Variants in PPFIA4 observed in about 807,000 individuals in gnomAD.
PPFIA4 encodes PPFI scaffold protein A4.
Under a neutral mutation model 145.7 loss-of-function variants are expected in PPFIA4, and 98 were observed. The ratio of observed to expected loss-of-function variants is 0.67; its 90% CI spans 0.57 to 0.80. The LOEUF (loss-of-function observed/expected upper bound fraction) is 0.80, where lower values mean the gene tolerates loss of function less well. PPFIA4 is among the 30% of genes least tolerant of loss of function. PPFIA4 has a pLI of 0.00. For missense variants in PPFIA4, 1,457 were observed against 1,632.7 expected, an observed-to-expected ratio of 0.89 and a Z score of 1.85; for synonymous variants, 628 against 649.6, an observed-to-expected ratio of 0.97 and a Z score of 0.51.
chr1:203,044,436 G>C lies in PPFIA4; in HGVS notation c.559G>C (p.Ala187Pro), dbSNP rs1459021022. Reference protein sequence around the residue: ...ERVTTLEEQLAGAHQQVSALQ... With the variant: ...ERVTTLEEQLPGAHQQVSALQ... The stretch of plus-strand genomic sequence containing the variant: ...AGTCACCACCTTGGAGGAGCAGCTG[G>C]CAGGTGCCCACCAGCAGGTAATCTG... The change falls in exon 5 of 30, where the codon GCA becomes CCA. Residue 187 changes from alanine to proline, a missense_variant. Transcript: ENST00000295706. The C allele has an allele frequency of 6.4e-7, 1 of 1,551,382 alleles. No individual in the cohort carries two copies. Among genetic ancestry groups the C allele is most frequent in the African/African-American group, 1.4e-5 (1 of 73,190 alleles).
At chr1:203,032,042 G>GTGTGTGTGTGTA (rs1491094428) in intron 1 of PPFIA4, among the ~76,000 whole-genome samples, 30 of 8,418 alleles carry the variant, frequency 3.6e-3, no homozygotes, top group Non-Finnish European at 8.5e-3. Flanking sequence ...CTGAGAGAAC[G>GTGTGTGTGTGTA]TGTGTGTGTG....
At chr1:203,049,560 A>G (rs1375785818) in intron 12 of PPFIA4, 116 bp from the exon 13 acceptor site, 4 of 923,420 alleles carry the variant, frequency 4.3e-6, no homozygotes, top group Non-Finnish European at 6.1e-6. Context: ...TTTGCAGTAC[A>G]TTCTTCAGCT....
At chr1:203,054,604 G>C (rs940136832) in intron 15 of PPFIA4, among the ~76,000 whole-genome samples, 1 of 151,880 alleles carries the variant, frequency 6.6e-6, no homozygotes, top group Non-Finnish European at 1.5e-5. Context: ...GTGTATCAGA[G>C]CTTTATAAGC....
rs1280383355 is a variant in PPFIA4 at position 203,048,950 on chromosome 1, GC to G, written c.1390del (p.Arg464GlyfsTer27). ...TGATCCAGGAGTTGGAGAGCTCCCA[GC>G]GGCAGATTGAGGAGCAGCACCACCA... is the stretch of plus-strand genomic sequence containing the variant. The part of the protein sequence containing the change: ...TLIQELESSQ[R>X]QIEEQHHHKG... On this transcript the variant is annotated frameshift_variant, in exon 12 of 30. Coordinates refer to ENST00000295706, the MANE Select transcript of PPFIA4 (RefSeq NM_001304331.2). LOFTEE classifies it high-confidence loss of function. The surrounding 1 kb of genome is among the most constrained non-coding windows in gnomAD (Gnocchi z 5.8). The G allele has an allele frequency of 6.5e-7, 1 of 1,548,488 alleles. No individual in the cohort carries two copies. The highest frequency in any genetic ancestry group is 8.7e-7 in the Non-Finnish European group (1 of 1,146,858).
Position 203,055,600 on chromosome 1 carries a change from C to G in PPFIA4, c.1998C>G (p.Ser666Arg). 6.2e-7 allele frequency: 1 copy of G among 1,614,040 alleles called. No individual in the cohort carries two copies. Among genetic ancestry groups the G allele is most frequent in the East Asian group, 2.2e-5 (1 of 44,890 alleles). The change falls in exon 16 of 30, where the codon AGC becomes AGG. Residue 666 changes from serine (S) to arginine (R), a missense_variant. By Grantham distance (110) the Ser-to-Arg change is moderately radical. Transcript: ENST00000295706. The surrounding 1 kb of genome is among the most constrained non-coding windows in gnomAD (Gnocchi z 4.8). ...LSLASASPPLSGRSTPKLTSR... is the reference protein window; with the variant it reads ...LSLASASPPLRGRSTPKLTSR... Reference sequence around the variant, plus strand: ...TGGCCAGCGCGTCCCCACCACTCAGCGGCCGCTCCACACCTAAGCTCACCT... The same window carrying G: ...TGGCCAGCGCGTCCCCACCACTCAGGGGCCGCTCCACACCTAAGCTCACCT...
chr1:203,063,809 C>G lies in PPFIA4; in HGVS notation c.2875-19C>G. The G allele has an allele frequency of 6.2e-7, 1 of 1,613,558 alleles. No homozygotes were observed. Among genetic ancestry groups the G allele is most frequent in the South Asian group, 1.1e-5 (1 of 91,060 alleles). On this transcript the variant is annotated intron_variant, in intron 24 of 29. Coordinates refer to ENST00000295706, the MANE Select transcript of PPFIA4 (RefSeq NM_001304331.2). ...TACCTTCCTCCCCCATAATAGCCTC[C>G]TGCATCTCATTTCCCTAGACCCTGG...
intron 24 of PPFIA4, among the ~76,000 whole-genome samples, chr1:203,062,520 A>G (rs1011029363): frequency 1.5e-4 from 22 of 149,004 alleles, no homozygotes; most frequent in African/African-American, 5.4e-4. Context: ...AGTCTCAATA[A>G]GTAAACAAAT....
In PPFIA4 at chr1:203,055,150, G is replaced by A. The variant is rs963558699; in HGVS notation, c.1830-282G>A. Among the ~76,000 whole-genome samples the A allele has an allele frequency of 6.6e-6, 1 of 152,212 alleles. No homozygotes were observed. The highest frequency in any genetic ancestry group is 1.5e-5 in the Non-Finnish European group (1 of 68,038). ...CAGACAGCAAAATACCTGACTCAAG[G>A]CCACCCTATAGTTAGGGGTATGTCA... On this transcript the variant is annotated intron_variant, in intron 15 of 29. Coordinates refer to ENST00000295706, the MANE Select transcript of PPFIA4 (RefSeq NM_001304331.2). This position sits in a 1 kb window ranked among gnomAD's most constrained non-coding sequence, Gnocchi z 4.8.
At chr1:203,040,868 T>G (rs1284537616) in intron 2 of PPFIA4, among the ~76,000 whole-genome samples, 1 of 152,232 alleles carries the variant, frequency 6.6e-6, no homozygotes, top group Non-Finnish European at 1.5e-5. Flanking sequence ...ATCCCAGGCC[T>G]ACTTGACTTC....
chr1:203,043,474 G>A lies in PPFIA4; in HGVS notation c.312G>A (p.Leu104=). 6.2e-7 allele frequency: 1 copy of A among 1,610,670 alleles called. No homozygotes were observed. Among genetic ancestry groups the A allele is most frequent in the Non-Finnish European group, 8.5e-7 (1 of 1,178,862 alleles). ...LLEREEEISE[L]KAERNNTRLL... ...AGCGGGAGGAAGAGATATCAGAACT[G>A]AAAGCAGAACGGAATAACACACGGG... is the stretch of plus-strand genomic sequence containing the variant. The change falls in exon 3 of 30, where the codon CTG becomes CTA. Residue 104 remains leucine (L), a synonymous_variant. Coordinates refer to ENST00000295706, the MANE Select transcript of PPFIA4 (RefSeq NM_001304331.2). The surrounding 1 kb of genome is among the most constrained non-coding windows in gnomAD (Gnocchi z 4.4).
In PPFIA4 at chr1:203,063,904, G is replaced by A. The variant is rs767156964; in HGVS notation, c.2951G>A (p.Arg984His). ...WLPSLGLPQY[R>H]SYFMECLVDA... is the part of the protein sequence containing the mutation. ...CCCAGCCTGGGGCTCCCGCAGTACC[G>A]CAGCTACTTCATGGAGTGCCTGGTG... Residue 984 changes from arginine (R) to histidine (H), a missense_variant, in exon 25 of 30, where the codon CGC becomes CAC. This residue lies in a region of PPFIA4 where 848 missense variants were observed against 1,046.7 expected (regional missense o/e 0.81). Coordinates refer to ENST00000295706, the MANE Select transcript of PPFIA4 (RefSeq NM_001304331.2). The A allele has an allele frequency of 9.3e-6, 15 of 1,613,942 alleles. No individual in the cohort carries two copies. The highest frequency in any genetic ancestry group is 1.6e-4 in the Middle Eastern group (1 of 6,084).
At chr1:203,041,223 G>A (rs1659673706) in intron 2 of PPFIA4, among the ~76,000 whole-genome samples, 1 of 152,248 alleles carries the variant, frequency 6.6e-6, no homozygotes, top group South Asian at 2.1e-4. Context: ...AGAAGCAGCA[G>A]GTGATCCAGG....
In PPFIA4 at chr1:203,060,928, G is replaced by A; in HGVS notation, c.2785-42G>A. The A allele has an allele frequency of 6.3e-7, 1 of 1,585,700 alleles. No individual in the cohort carries two copies. Among genetic ancestry groups the A allele is most frequent in the African/African-American group, 1.3e-5 (1 of 74,512 alleles). ...CTCCCAGCCTGATGGGGATCCTGGG[G>A]ACCCACACCCAGGACCAGCTAGGTT... On this transcript the variant is annotated intron_variant, in intron 22 of 29. Coordinates refer to ENST00000295706, the MANE Select transcript of PPFIA4 (RefSeq NM_001304331.2). This position sits in a 1 kb window ranked among gnomAD's most constrained non-coding sequence, Gnocchi z 4.8.
chr1:203,075,530 G>A lies in PPFIA4; in HGVS notation c.3394-47G>A. ...CCCCTCCAGGCAGGGCGTGAGGATG[G>A]CAATTCCAACAGGGCCCTCGGGCCT... On this transcript the variant is annotated intron_variant, in intron 28 of 29. Coordinates refer to ENST00000295706, the MANE Select transcript of PPFIA4 (RefSeq NM_001304331.2). This position sits in a 1 kb window ranked among gnomAD's most constrained non-coding sequence, Gnocchi z 4.1. 1 of 1,351,460 alleles carries A rather than the reference G, an allele frequency of 7.4e-7. No homozygotes were observed. The highest frequency in any genetic ancestry group is 9.6e-7 in the Non-Finnish European group (1 of 1,045,244). The allele number at this position is 1,351,460 out of a possible 1,614,324, so 83.7% of individuals were successfully genotyped here. A position where few individuals can be genotyped will look rare whatever the true frequency, so the allele number is the denominator to read the frequency against.
chr1:203,028,642 T>G (rs1043759353), intron 1 of PPFIA4, among the ~76,000 whole-genome samples: 13 of 151,186 alleles, frequency 8.6e-5, no homozygotes, highest in South Asian at 4.2e-4. Flanking sequence ...TGGTATGGGG[T>G]GTGTGTGTGT....
rs1214677806 is a variant in PPFIA4 at position 203,060,903 on chromosome 1, C to T, written c.2785-67C>T. On this transcript the variant is annotated intron_variant, in intron 22 of 29. Coordinates refer to ENST00000295706, the MANE Select transcript of PPFIA4 (RefSeq NM_001304331.2). This position sits in a 1 kb window ranked among gnomAD's most constrained non-coding sequence, Gnocchi z 4.8. ...GGGAGCTTTGTCCTTGTCCTTTGGGCTCCCAGCCTGATGGGGATCCTGGGG... is the reference window on the plus strand; with the variant it reads ...GGGAGCTTTGTCCTTGTCCTTTGGGTTCCCAGCCTGATGGGGATCCTGGGG... 4 of 1,474,158 alleles carry T rather than the reference C, an allele frequency of 2.7e-6. No homozygotes were observed. In the African/African-American group the frequency reaches 4.2e-5, roughly 15 times the overall value. 91.3% of individuals were successfully genotyped at this position (1,474,158 alleles called of 1,614,324 possible).
In PPFIA4 at chr1:203,060,536, T is replaced by G. The variant is rs1470989859; in HGVS notation, c.2784+119T>G. 9.6e-7 allele frequency: 1 copy of G among 1,037,228 alleles called. No homozygotes were observed. The highest frequency in any genetic ancestry group is 1.4e-6 in the Non-Finnish European group (1 of 696,988). The allele number at this position is 1,037,228 out of a possible 1,614,324, so 64.3% of individuals were successfully genotyped here. On this transcript the variant is annotated intron_variant, in intron 22 of 29. Transcript: ENST00000295706. This position sits in a 1 kb window ranked among gnomAD's most constrained non-coding sequence, Gnocchi z 4.8. ...GAGCCCTGCCCCTTCCTTCCCATCC[T>G]CACAAAGGGCTCTCCCTGGTCTTCA...
intron 1 of PPFIA4, chr1:203,035,744 A>C (rs540557034): frequency 3.8e-5 from 17 of 441,586 alleles, no homozygotes; most frequent in Admixed American, 7.2e-5. Flanking sequence ...AGGAGCTGGA[A>C]GGAGCCAGGT....
In PPFIA4 at chr1:203,028,641, G is replaced by A. The variant is rs1159214682; in HGVS notation, c.-400+2012G>A. On this transcript the variant is annotated intron_variant, in intron 1 of 29. Transcript: ENST00000295706. ...AGGTGTGGCAATTGAGTGGTATGGG[G>A]TGTGTGTGTGTGTGCACACGCGTGT... Among the ~76,000 whole-genome samples, 5 of 151,464 alleles carry A rather than the reference G, an allele frequency of 3.3e-5. No individual in the cohort carries two copies. In the East Asian group the frequency reaches 7.7e-4, roughly 23 times the overall value.
Sources: gnomAD v4.1 joint callset for allele counts (sites outside exome capture counted in the v4.1 genomes callset) on GRCh38, gnomAD v4.1.1 for gene constraint, gnomAD v4.1.1 regional missense constraint, Gnocchi (gnomAD v3.1) non-coding constraint, MANE v1.5 for transcripts, NCBI Gene and HGNC (gene_info 2026-07-23, HGNC 2026-07-21) for gene names.